Variants in RPS6KA2 observed in about 807,000 individuals in gnomAD.
The protein encoded by RPS6KA2 is ribosomal protein S6 kinase A2.
Under a neutral mutation model 91.8 loss-of-function variants are expected in RPS6KA2, and 42 were observed. That is an observed-to-expected ratio of 0.46 (90% CI 0.36 to 0.59). The LOEUF is 0.59. Ranked by LOEUF, RPS6KA2 falls within the 20% of genes least tolerant of loss-of-function variation. The probability of loss-of-function intolerance (pLI) is 0.00; values close to 1 mark genes in which losing one functional copy is unlikely to be tolerated. For synonymous variants in RPS6KA2, 414 were observed against 393.6 expected, an observed-to-expected ratio of 1.05 and a Z score of -0.61; for missense variants, 798 against 978.5, an observed-to-expected ratio of 0.82 and a Z score of 2.46.
rs1018906008 is a variant in RPS6KA2, at chr6:166,665,384, T to TACCC, written c.124-126604_124-126601dup. ...CTCTGGGCTTTGTCTGGTGTGCCTATACCCAATGTCACCCAAACCCAAAGA... is the reference window on the plus strand; with the variant it reads ...CTCTGGGCTTTGTCTGGTGTGCCTATACCCACCCAATGTCACCCAAACCCAAAGA... On this transcript the variant is annotated intron_variant, in intron 2 of 21. Coordinates refer to the RPS6KA2 transcript ENST00000503859. The surrounding 1 kb of genome is among the most constrained non-coding windows in gnomAD (Gnocchi z 4.5). Among the ~76,000 whole-genome samples, 3 of 152,132 alleles carry TACCC rather than the reference T, an allele frequency of 2.0e-5. No homozygotes were observed. Among genetic ancestry groups the TACCC allele is most frequent in the Non-Finnish European group, 4.4e-5 (3 of 68,020 alleles).
At chr6:166,675,820 T>C (rs577263756) in intron 2 of RPS6KA2, among the ~76,000 whole-genome samples, 2 of 152,340 alleles carry the variant, frequency 1.3e-5, no homozygotes, top group African/African-American at 4.8e-5. Context: ...TGTTTCATCC[T>C]GTTTGTTTTT....
At chr6:166,417,791 T>A (rs1778588388) in intron 19 of RPS6KA2, among the ~76,000 whole-genome samples, 1 of 152,090 alleles carries the variant, frequency 6.6e-6, no homozygotes, top group Admixed American at 6.6e-5. Flanking sequence ...TAAGGCCAGG[T>A]GTGGTGGCTC....
chr6:166,604,980 C>T (rs1785892813), intron 1 of RPS6KA2, among the ~76,000 whole-genome samples: 1 of 152,008 alleles, frequency 6.6e-6, no homozygotes, highest in African/African-American at 2.4e-5. Context: ...AATAGACATT[C>T]CTATTTAAGT....
chr6:166,832,577 T>G (rs1026173967), intron 2 of RPS6KA2, among the ~76,000 whole-genome samples: 4 of 152,218 alleles, frequency 2.6e-5, no homozygotes, highest in Admixed American at 2.6e-4. Context: ...CAAGAGAAAC[T>G]AACTCCATCT....
In RPS6KA2 at chr6:166,498,524, G is replaced by A; in HGVS notation, c.731C>T (p.Ser244Phe). ...RGHTQSADWW[S>F]FGVLMFEMLT... ...CAGGCTCACCATGAGCACGCCGAAG[G>A]ACCACCAGTCGGCACTCTGCGTGTG... The change falls in exon 8 of 21, where the codon TCC becomes TTC. Residue 244 changes from serine (S) to phenylalanine (F), a missense_variant. Transcript: ENST00000265678. The A allele has an allele frequency of 1.2e-6, 2 of 1,611,312 alleles. No homozygotes were observed. The highest frequency in any genetic ancestry group is 1.7e-6 in the Non-Finnish European group (2 of 1,179,252).
At chr6:166,502,894 C>T (rs919243816) in intron 6 of RPS6KA2, among the ~76,000 whole-genome samples, 2 of 152,166 alleles carry the variant, frequency 1.3e-5, no homozygotes, top group African/African-American at 4.8e-5. Flanking sequence ...TTTGATTCTA[C>T]GTTGAGCATC....
At chr6:166,484,610 G>T (rs941495378) in intron 10 of RPS6KA2, among the ~76,000 whole-genome samples, 1 of 152,166 alleles carries the variant, frequency 6.6e-6, no homozygotes, top group African/African-American at 2.4e-5. Context: ...TGTTGTAGCC[G>T]CATTGCCATC....
intron 2 of RPS6KA2, among the ~76,000 whole-genome samples, chr6:166,654,891 A>G (rs904012875): frequency 3.3e-5 from 5 of 152,208 alleles, no homozygotes; most frequent in African/African-American, 9.7e-5. Flanking sequence ...CATCGTAATT[A>G]ATAAGTAGGA....
chr6:166,760,601 G>C (rs1464945402), intron 2 of RPS6KA2, among the ~76,000 whole-genome samples: 1 of 152,234 alleles, frequency 6.6e-6, no homozygotes, highest in Non-Finnish European at 1.5e-5. Flanking sequence ...CGGAAAGCTT[G>C]AAAATGGCTC....
intron 2 of RPS6KA2, among the ~76,000 whole-genome samples, chr6:166,812,353 C>G (rs1196692166): frequency 6.6e-6 from 1 of 152,080 alleles, no homozygotes; most frequent in Non-Finnish European, 1.5e-5. Context: ...GAGACTCCAT[C>G]TCAAAAAAAA....
At chr6:166,470,199 G>T (rs1165354585) in intron 10 of RPS6KA2, among the ~76,000 whole-genome samples, 1 of 152,256 alleles carries the variant, frequency 6.6e-6, no homozygotes, top group Non-Finnish European at 1.5e-5. Flanking sequence ...TGCTGCATGT[G>T]ACGGCTGCCT....
In RPS6KA2 at chr6:166,418,517, T is replaced by C. The variant is rs1469083071; in HGVS notation, c.1821-175A>G. On this transcript the variant is annotated intron_variant, in intron 18 of 20. Transcript: ENST00000265678. This position sits in a 1 kb window ranked among gnomAD's most constrained non-coding sequence, Gnocchi z 4.9. ...AACTTACCTCTAACACTATGCCCGT[T>C]TTCCTTCCTTAGCAATTGGGTGGCT... Among the ~76,000 whole-genome samples, 1 of 152,238 alleles carries C rather than the reference T, an allele frequency of 6.6e-6. No homozygotes were observed. Among genetic ancestry groups the C allele is most frequent in the African/African-American group, 2.4e-5 (1 of 41,476 alleles).
At chr6:166,840,295 T>C (rs1212811053) in intron 2 of RPS6KA2, among the ~76,000 whole-genome samples, 1 of 152,162 alleles carries the variant, frequency 6.6e-6, no homozygotes. Flanking sequence ...ATCAAAGTCT[T>C]GGTGGTTTCC....
At position 166,495,176 on chromosome 6, in the gene RPS6KA2, A is replaced by G. The variant is rs1781743445; in HGVS notation, c.747+3332T>C. Among the ~76,000 whole-genome samples, 1 of 152,200 alleles carries G rather than the reference A, an allele frequency of 6.6e-6. No homozygotes were observed. Among genetic ancestry groups the G allele is most frequent in the Non-Finnish European group, 1.5e-5 (1 of 68,044 alleles). On this transcript the variant is annotated intron_variant, in intron 8 of 20. Transcript: ENST00000265678. This position sits in a 1 kb window ranked among gnomAD's most constrained non-coding sequence, Gnocchi z 4.4. The stretch of plus-strand genomic sequence containing the variant: ...TCAGCTTTAGTTTTCATTTCTGTGC[A>G]CAGAAAGAATACCGTCTTTCCTGCC...
intron 2 of RPS6KA2, among the ~76,000 whole-genome samples, chr6:166,816,512 G>A (rs1049255791): frequency 2.0e-5 from 3 of 150,476 alleles, no homozygotes; most frequent in Admixed American, 6.6e-5. Context: ...CCGAGATCAC[G>A]CCACTGCACT....
rs541892169 is a variant in RPS6KA2, at chr6:166,621,168, A to T, written c.99+5753T>A. 5.6e-3 allele frequency among the ~76,000 whole-genome samples: 859 copies of T among 152,332 alleles called. 8 individuals carry two copies. Among genetic ancestry groups the T allele is most frequent in the African/African-American group, 0.02 (813 of 41,580 alleles). On this transcript the variant is annotated intron_variant, in intron 1 of 20. Coordinates refer to ENST00000265678, the MANE Select transcript of RPS6KA2 (RefSeq NM_021135.6). Reference sequence around the variant, plus strand: ...CCCTCTGACTGATCTCCAGGAACGCATGCAAATGACTGCATAACATATGCA... The same window carrying T: ...CCCTCTGACTGATCTCCAGGAACGCTTGCAAATGACTGCATAACATATGCA...
At chr6:166,828,355 A>G (rs1371229513) in intron 2 of RPS6KA2, among the ~76,000 whole-genome samples, 3 of 152,086 alleles carry the variant, frequency 2.0e-5, no homozygotes, top group Non-Finnish European at 4.4e-5. Context: ...TCCTGTGGGG[A>G]CAGAATTCAG....
chr6:166,646,325 G>C (rs928370082), intron 2 of RPS6KA2, among the ~76,000 whole-genome samples: 4 of 152,138 alleles, frequency 2.6e-5, no homozygotes, highest in African/African-American at 9.7e-5. Flanking sequence ...GGACCCCCCT[G>C]GACCCACACG....
chr6:166,477,635 C>T (rs894065036), intron 10 of RPS6KA2, among the ~76,000 whole-genome samples: 1 of 152,332 alleles, frequency 6.6e-6, no homozygotes, highest in African/African-American at 2.4e-5. Flanking sequence ...TGACTCTGGC[C>T]AGGCACAGTG....
Sources: allele counts gnomAD v4.1 joint callset (sites outside exome capture counted in the v4.1 genomes callset), GRCh38; gene constraint gnomAD v4.1.1; non-coding constraint Gnocchi (gnomAD v3.1); transcripts MANE v1.5; gene names NCBI Gene and HGNC (gene_info 2026-07-23, HGNC 2026-07-21).